Variants in SNTG1 observed in about 807,000 individuals in gnomAD.
SNTG1 encodes syntrophin gamma 1.
Under a neutral mutation model 74.7 loss-of-function variants are expected in SNTG1, and 39 were observed. The observed-to-expected ratio is 0.52, with a 90% confidence interval of 0.40 to 0.68. SNTG1 has a LOEUF of 0.68. SNTG1 is among the 30% of genes least tolerant of loss of function. SNTG1 has a pLI of 0.00. For synonymous variants in SNTG1, 254 were observed against 217.1 expected, an observed-to-expected ratio of 1.17 and a Z score of -1.49; for missense variants, 685 against 609.5, an observed-to-expected ratio of 1.12 and a Z score of -1.30.
chr8:50,200,007 T>A (rs2083926160), intron 2 of SNTG1, among the ~76,000 whole-genome samples: 1 of 79,988 alleles, frequency 1.3e-5, no homozygotes, highest in South Asian at 5.4e-4. Flanking sequence ...ACAAATTGGT[T>A]TTTCTTTTGA....
chr8:50,485,484 G>A (rs2093783469), intron 8 of SNTG1, among the ~76,000 whole-genome samples: 1 of 152,042 alleles, frequency 6.6e-6, no homozygotes, highest in Non-Finnish European at 1.5e-5. Context: ...AGAAGTGTCT[G>A]TTCATGTCCT....
At chr8:50,473,496 A>G (rs2093669634) in intron 8 of SNTG1, among the ~76,000 whole-genome samples, 2 of 152,294 alleles carry the variant, frequency 1.3e-5, no homozygotes, top group Middle Eastern at 3.4e-3. Context: ...AGCCATTATG[A>G]AGAACAGTAT....
intron 1 of SNTG1, among the ~76,000 whole-genome samples, chr8:50,151,654 C>T (rs547200235): frequency 1.3e-5 from 2 of 152,256 alleles, no homozygotes; most frequent in East Asian, 3.9e-4. Context: ...TTTCTGCCTT[C>T]ATTTCATTGT....
At chr8:50,408,096 T>G (rs562750662) in intron 4 of SNTG1, among the ~76,000 whole-genome samples, 1 of 152,242 alleles carries the variant, frequency 6.6e-6, no homozygotes, top group South Asian at 2.1e-4. Context: ...AAAAGCAAGC[T>G]AGGAAACAAT....
At chr8:50,295,416 A>T (rs1721058216) in intron 2 of SNTG1, among the ~76,000 whole-genome samples, 1 of 152,192 alleles carries the variant, frequency 6.6e-6, no homozygotes, top group African/African-American at 2.4e-5. Flanking sequence ...ACCTTAAAGG[A>T]TATTTTTCTC....
At chr8:50,417,824 T>A (rs2093033462) in intron 4 of SNTG1, among the ~76,000 whole-genome samples, 1 of 152,094 alleles carries the variant, frequency 6.6e-6, no homozygotes, top group Non-Finnish European at 1.5e-5. Context: ...TTTTCTCCCT[T>A]TCCATTACCA....
At chr8:50,317,855 G>C in intron 2 of SNTG1, among the ~76,000 whole-genome samples, 1 of 151,082 alleles carries the variant, frequency 6.6e-6, no homozygotes, top group Admixed American at 6.6e-5. Context: ...TGTTTGTTTT[G>C]AGACAGAGTC....
chr8:50,019,656 C>T (rs1816643777), intron 1 of SNTG1, among the ~76,000 whole-genome samples: 1 of 152,078 alleles, frequency 6.6e-6, no homozygotes, highest in African/African-American at 2.4e-5. Context: ...CCTGATAAAA[C>T]TGATTCATAC....
At chr8:50,389,444 C>T (rs1337958521) in intron 2 of SNTG1, among the ~76,000 whole-genome samples, 1 of 152,198 alleles carries the variant, frequency 6.6e-6, no homozygotes, top group Non-Finnish European at 1.5e-5. Flanking sequence ...TCACAGCCAA[C>T]AGGCCCTGGT....
At chr8:49,972,760 A>AAAAT (rs1305277802) in intron 1 of SNTG1, among the ~76,000 whole-genome samples, 1 of 152,246 alleles carries the variant, frequency 6.6e-6, no homozygotes, top group Non-Finnish European at 1.5e-5. Flanking sequence ...ATACAGTGAA[A>AAAAT]AAATGCTCAT....
At chr8:50,494,604 C>G (rs193114943) in intron 8 of SNTG1, among the ~76,000 whole-genome samples, 181 of 151,784 alleles carry the variant, frequency 1.2e-3, no homozygotes, top group African/African-American at 4.3e-3. Context: ...ACATAACAAT[C>G]AAAAGAAAAA....
intron 13 of SNTG1, among the ~76,000 whole-genome samples, chr8:50,596,675 G>A (rs1483879568): frequency 2.0e-5 from 3 of 151,946 alleles, no homozygotes; most frequent in Non-Finnish European, 4.4e-5. Context: ...AAACCGTCTT[G>A]AATACTGTAG....
chr8:50,418,650 A>C (rs998755727), intron 4 of SNTG1, among the ~76,000 whole-genome samples: 1 of 152,068 alleles, frequency 6.6e-6, no homozygotes, highest in Admixed American at 6.6e-5. Flanking sequence ...TCCAGTAGGC[A>C]TTTTCAACTT....
In SNTG1 at chr8:50,406,447, G is replaced by A. The variant is rs146346280; in HGVS notation, c.162+4103G>A. ...TAATAGTTTATTGCGGAATGTTTAT[G>A]GTTTTCTACATATAAGATTATGTCA... On this transcript the variant is annotated intron_variant, in intron 4 of 18. Coordinates refer to ENST00000642720, the MANE Select transcript of SNTG1 (RefSeq NM_018967.5). Among the ~76,000 whole-genome samples, 101 of 152,046 alleles carry A rather than the reference G, an allele frequency of 6.6e-4. No individual in the cohort carries two copies. The East Asian group carries it at 0.017, about 26-fold the overall frequency.
chr8:50,725,479 A>G (rs903071559), intron 17 of SNTG1, among the ~76,000 whole-genome samples: 2 of 152,198 alleles, frequency 1.3e-5, no homozygotes, highest in Non-Finnish European at 1.5e-5. Flanking sequence ...AGTAATAAAT[A>G]TAGTCTTAAT....
chr8:50,754,646 T>C (rs987164548), intron 18 of SNTG1, among the ~76,000 whole-genome samples: 1 of 151,932 alleles, frequency 6.6e-6, no homozygotes, highest in African/African-American at 2.4e-5. Context: ...TTTTATATTG[T>C]GGTCTGTAAT....
At chr8:50,709,386 A>T (rs192913335) in intron 17 of SNTG1, among the ~76,000 whole-genome samples, 30 of 151,674 alleles carry the variant, frequency 2.0e-4, no homozygotes, top group East Asian at 1.2e-3. Flanking sequence ...TTGTTTTTTT[A>T]AAAAAAATTA....
rs11986830 is a variant in SNTG1, at chr8:50,191,836, T to G, written c.-28+19201T>G. 8.1e-3 allele frequency among the ~76,000 whole-genome samples: 1,240 copies of G among 152,236 alleles called. 22 individuals carry two copies. The highest frequency in any genetic ancestry group is 0.029 in the African/African-American group (1,194 of 41,516). The stretch of plus-strand genomic sequence containing the variant: ...GTGATACCAATCACCATTGAATATT[T>G]GTCCTCTCAGTATATTGTCTCAGTT... On this transcript the variant is annotated intron_variant, in intron 2 of 18. Transcript: ENST00000642720.
At chr8:49,995,786 G>T (rs1202717967) in intron 1 of SNTG1, among the ~76,000 whole-genome samples, 1 of 152,172 alleles carries the variant, frequency 6.6e-6, no homozygotes, top group African/African-American at 2.4e-5. Context: ...CTCAGGCAGG[G>T]CTCATTGCCT....
Sources: gnomAD v4.1 joint callset for allele counts (sites outside exome capture counted in the v4.1 genomes callset) on GRCh38, gnomAD v4.1.1 for gene constraint, MANE v1.5 for transcripts, NCBI Gene and HGNC (gene_info 2026-07-23, HGNC 2026-07-21) for gene names.